Variants in KIAA1217 observed in about 807,000 individuals in gnomAD.
KIAA1217 encodes KIAA1217.
Under a neutral mutation model 163.9 loss-of-function variants are expected in KIAA1217, and 88 were observed. The observed-to-expected ratio is 0.54, with a 90% CI of 0.45 to 0.64. The LOEUF is 0.64. KIAA1217 is among the 30% of genes least tolerant of loss of function. KIAA1217 has a pLI of 0.00. For missense variants in KIAA1217, 2,372 were observed against 2,475.0 expected (o/e 0.96, Z 0.88); for synonymous variants, 903 against 923.1 (o/e 0.98, Z 0.39).
chr10:23,933,037 C>T (rs1490123099), intron 1 of KIAA1217, among the ~76,000 whole-genome samples: 2 of 152,188 alleles, frequency 1.3e-5, no homozygotes, highest in Non-Finnish European at 2.9e-5. Context: ...TATAATAGCA[C>T]AAAAGCTGTA....
intron 2 of KIAA1217, among the ~76,000 whole-genome samples, chr10:24,201,316 A>G (rs1433787642): frequency 6.6e-6 from 1 of 152,182 alleles, no homozygotes; most frequent in Non-Finnish European, 1.5e-5. Context: ...TTATGAACTC[A>G]AGCGTTACAC....
rs1449668885 is a variant in KIAA1217, at chr10:24,337,589, T to G, written c.355-43280T>G. Among the ~76,000 whole-genome samples, 4 of 149,242 alleles carry G rather than the reference T, an allele frequency of 2.7e-5. No homozygotes were observed. The Admixed American group carries it at 2.7e-4, about 10-fold the overall frequency. ...TTGCTTTGTTTTTGTTTTGTGTGGTTTTTTTCTTTTCTTTTCTTTTCTTTT... is the reference window on the plus strand; with the variant it reads ...TTGCTTTGTTTTTGTTTTGTGTGGTGTTTTTCTTTTCTTTTCTTTTCTTTT... On this transcript the variant is annotated intron_variant, in intron 2 of 20. Transcript: ENST00000376454.
At chr10:23,751,447 C>T (rs1227365341) in intron 1 of KIAA1217, among the ~76,000 whole-genome samples, 1 of 152,148 alleles carries the variant, frequency 6.6e-6, no homozygotes, top group African/African-American at 2.4e-5. Context: ...TGTACTGAAG[C>T]ATTTTTGAAA....
intron 2 of KIAA1217, among the ~76,000 whole-genome samples, chr10:24,222,222 A>G (rs1389840228): frequency 1.3e-5 from 2 of 152,192 alleles, no homozygotes; most frequent in African/African-American, 2.4e-5. Context: ...CTGCTGTTAC[A>G]TACATTGCTA....
At chr10:23,891,619 A>G (rs1280848191) in intron 1 of KIAA1217, among the ~76,000 whole-genome samples, 1 of 151,930 alleles carries the variant, frequency 6.6e-6, no homozygotes, top group Non-Finnish European at 1.5e-5. Flanking sequence ...TCGCCTCATG[A>G]GTCTCTCTAC....
chr10:24,153,748 CCT>C (rs1284981251), intron 2 of KIAA1217, among the ~76,000 whole-genome samples: 5 of 152,186 alleles, frequency 3.3e-5, no homozygotes, highest in Non-Finnish European at 7.3e-5. Context: ...ATGTGTCACT[CCT>C]GGGCCAGTGA....
intron 2 of KIAA1217, among the ~76,000 whole-genome samples, chr10:24,279,431 G>A (rs974600226): frequency 6.6e-6 from 1 of 151,924 alleles, no homozygotes. Context: ...CTACAATATT[G>A]CTCAAGTGAA....
intron 1 of KIAA1217, among the ~76,000 whole-genome samples, chr10:23,830,328 G>A (rs1036680673): frequency 2.6e-5 from 4 of 152,078 alleles, no homozygotes; most frequent in Admixed American, 6.6e-5. Context: ...CTCTTGATTC[G>A]GTTGTCCTGC....
At position 24,049,868 on chromosome 10, in the gene KIAA1217, T is replaced by A. The variant is rs7900917; in HGVS notation, c.-171+42494T>A. ...AAATGGTATTTCTGGTTCTAGATCC[T>A]TGAGGAATCGCCACACTGTCTTCCA... On this transcript the variant is annotated intron_variant, in intron 2 of 18. Coordinates refer to the KIAA1217 transcript ENST00000376462. Among the ~76,000 whole-genome samples, 23 of 152,266 alleles carry A rather than the reference T, an allele frequency of 1.5e-4. No individual in the cohort carries two copies. The South Asian group carries it at 4.4e-3, about 29-fold the overall frequency.
chr10:24,264,765 T>TCTCTCTC, intron 2 of KIAA1217, among the ~76,000 whole-genome samples: 1 of 131,924 alleles, frequency 7.6e-6, no homozygotes, highest in East Asian at 2.2e-4. Context: ...CGGTCGGTCT[T>TCTCTCTC]TCTCTCTCTC....
intron 2 of KIAA1217, among the ~76,000 whole-genome samples, chr10:24,230,509 T>TTG (rs1554765211): frequency 2.2e-5 from 3 of 138,562 alleles, no homozygotes; most frequent in Non-Finnish European, 3.1e-5. Context: ...TTTGTTTTTT[T>TTG]TTTTTTTTTT....
chr10:24,228,323 G>A (rs1245790237), intron 2 of KIAA1217, among the ~76,000 whole-genome samples: 5 of 151,944 alleles, frequency 3.3e-5, no homozygotes, highest in African/African-American at 1.2e-4. Flanking sequence ...AGAGAAGTAT[G>A]TCTTAAAGCT....
chr10:24,077,077 G>A lies in KIAA1217; in HGVS notation c.-171+69703G>A, dbSNP rs181242782. 1.1e-4 allele frequency among the ~76,000 whole-genome samples: 17 copies of A among 152,040 alleles called. No individual in the cohort carries two copies. In the East Asian group the frequency reaches 2.9e-3, roughly 26 times the overall value. Reference sequence around the variant, plus strand: ...TTTTTAGTAGAGACAGGGTTTTACCGTGTTGGTCAGGCTGGTCTTGAACCC... The same window carrying A: ...TTTTTAGTAGAGACAGGGTTTTACCATGTTGGTCAGGCTGGTCTTGAACCC... On this transcript the variant is annotated intron_variant, in intron 2 of 18. Coordinates refer to the KIAA1217 transcript ENST00000376462.
intron 1 of KIAA1217, among the ~76,000 whole-genome samples, chr10:23,879,205 G>T (rs1840839107): frequency 6.6e-6 from 1 of 151,806 alleles, no homozygotes; most frequent in Non-Finnish European, 1.5e-5. Context: ...TTCTGTAATT[G>T]GTCTGTGATG....
intron 2 of KIAA1217, among the ~76,000 whole-genome samples, chr10:24,144,219 G>A (rs1806678368): frequency 6.6e-6 from 1 of 152,212 alleles, no homozygotes; most frequent in Non-Finnish European, 1.5e-5. Flanking sequence ...CCTTCTCCAT[G>A]TGTGAATCTC....
intron 12 of KIAA1217, 67 bp from the exon 13 acceptor site, chr10:24,524,256 G>T: frequency 6.6e-7 from 1 of 1,515,368 alleles, no homozygotes. Context: ...GGATGACATA[G>T]CCTGCAAGTA....
intron 1 of KIAA1217, among the ~76,000 whole-genome samples, chr10:23,766,045 A>G (rs1028540016): frequency 3.3e-5 from 5 of 152,246 alleles, no homozygotes; most frequent in Non-Finnish European, 7.3e-5. Context: ...AACTGTGGCT[A>G]ATACTAATAA....
chr10:24,117,659 T>C (rs752894072), intron 2 of KIAA1217, among the ~76,000 whole-genome samples: 2 of 151,898 alleles, frequency 1.3e-5, no homozygotes, highest in Non-Finnish European at 2.9e-5. Flanking sequence ...AAAAAGTGAG[T>C]TTTGGGCTAT....
chr10:23,983,863 G>A (rs1174241484), intron 1 of KIAA1217, among the ~76,000 whole-genome samples: 2 of 152,158 alleles, frequency 1.3e-5, no homozygotes, highest in African/African-American at 4.8e-5. Context: ...TCCATATGTT[G>A]CTCTTCTTAA....
Sources: gnomAD v4.1 joint callset for allele counts (sites outside exome capture counted in the v4.1 genomes callset) on GRCh38, gnomAD v4.1.1 for gene constraint, MANE v1.5 for transcripts, NCBI Gene and HGNC (gene_info 2026-07-23, HGNC 2026-07-21) for gene names.